PCA3: variants seen among roughly 807,000 people sequenced by gnomAD.
PCA3 encodes the protein prostate cancer associated 3.
intron 2 of PCA3, among the ~76,000 whole-genome samples, chr9:76,774,817 G>C (rs1204648967): frequency 6.6e-6 from 1 of 152,150 alleles, no homozygotes. Context: ...GGAGGAAACA[G>C]GGGAGCTTTA....
intron 2 of PCA3, among the ~76,000 whole-genome samples, chr9:76,775,147 A>G (rs1047162247): frequency 6.6e-6 from 1 of 152,170 alleles, no homozygotes; most frequent in African/African-American, 2.4e-5. Flanking sequence ...GGTCGGGGGG[A>G]AAGAAAGGAC....
chr9:76,786,147 G>A (rs1341333823), intron 2 of PCA3: 6 of 152,154 alleles, frequency 3.9e-5, no homozygotes, highest in Non-Finnish European at 8.8e-5. Flanking sequence ...TCATCTTTTA[G>A]GAATCATTTA....
intron 2 of PCA3, among the ~76,000 whole-genome samples, chr9:76,767,230 T>C (rs1420438040): frequency 6.6e-6 from 1 of 152,144 alleles, no homozygotes; most frequent in Non-Finnish European, 1.5e-5. Context: ...GGTGGGCAGA[T>C]CACTTGAGGT....
intron 2 of PCA3, among the ~76,000 whole-genome samples, chr9:76,781,568 T>C (rs1047718310): frequency 2.6e-5 from 4 of 152,240 alleles, no homozygotes; most frequent in East Asian, 1.9e-4. Context: ...CCCTATCTAA[T>C]GTAAAATAGG....
intron 2 of PCA3, among the ~76,000 whole-genome samples, chr9:76,765,070 G>A (rs1022364593): frequency 1.3e-5 from 2 of 152,188 alleles, no homozygotes; most frequent in African/African-American, 4.8e-5. Flanking sequence ...AGGCAAGTTA[G>A]AGATATACGT....
intron 2 of PCA3, chr9:76,786,281 A>G (rs901393684): frequency 2.0e-5 from 3 of 152,182 alleles, no homozygotes; most frequent in African/African-American, 7.2e-5. Flanking sequence ...CTCATAGGAG[A>G]GAATATAAGA....
chr9:76,766,882 C>A (rs139163019), intron 2 of PCA3, among the ~76,000 whole-genome samples: 74 of 152,304 alleles, frequency 4.9e-4, no homozygotes, highest in Non-Finnish European at 8.8e-4. Context: ...TCAACTCATA[C>A]ACAGGCATAC....
intron 2 of PCA3, among the ~76,000 whole-genome samples, chr9:76,769,868 C>CATT (rs2052898942): frequency 6.6e-6 from 1 of 152,172 alleles, no homozygotes; most frequent in Non-Finnish European, 1.5e-5. Context: ...TTACCCTGAA[C>CATT]ATTCTGTCAT....
At chr9:76,774,521 C>T (rs544244042) in intron 2 of PCA3, among the ~76,000 whole-genome samples, 44 of 144,870 alleles carry the variant, frequency 3.0e-4, no homozygotes, top group Non-Finnish European at 4.8e-4. Flanking sequence ...TGCAGTGGCA[C>T]GATCTCGGCT....
rs533381787 is a variant in PCA3 at position 76,777,021 on chromosome 9, A to T, written n.853-31562A>T. Among the ~76,000 whole-genome samples, 8 of 151,548 alleles carry T rather than the reference A, an allele frequency of 5.3e-5. No homozygotes were observed. In the East Asian group the frequency reaches 1.6e-3, roughly 29 times the overall value. ...ACTGTTCCTCTTGGGTTGGGTTCCC[A>T]CATCTGCCACTGCACCAATGCCATC... On this transcript the variant is annotated intron_variant and non_coding_transcript_variant, in intron 2 of 5. Transcript: ENST00000644657.
chr9:76,786,561 C>A (rs1455833521), intron 2 of PCA3: 3 of 151,954 alleles, frequency 2.0e-5, no homozygotes, highest in Non-Finnish European at 2.9e-5. Flanking sequence ...GCTTCCACGA[C>A]TTTTATCTTT....
At chr9:76,784,234 G>C (rs1249140454) in intron 2 of PCA3, 3 of 152,130 alleles carry the variant, frequency 2.0e-5, no homozygotes, top group African/African-American at 7.2e-5. Flanking sequence ...TTAAAGGATG[G>C]GCAGGAAAAC....
At chr9:76,781,222 C>T (rs886918560) in intron 2 of PCA3, among the ~76,000 whole-genome samples, 4 of 152,120 alleles carry the variant, frequency 2.6e-5, no homozygotes, top group Non-Finnish European at 5.9e-5. Flanking sequence ...TAACTCTTTG[C>T]CACATCCCTA....
At chr9:76,784,022 G>T (rs1475972228) in intron 2 of PCA3, 1 of 152,062 alleles carries the variant, frequency 6.6e-6, no homozygotes, top group Non-Finnish European at 1.5e-5. Flanking sequence ...GCCTCGTATT[G>T]TCTGACTGGC....
At chr9:76,776,545 T>C (rs1280064745) in intron 2 of PCA3, among the ~76,000 whole-genome samples, 1 of 109,316 alleles carries the variant, frequency 9.1e-6, no homozygotes, top group Non-Finnish European at 1.8e-5. Flanking sequence ...GAGATGAGTC[T>C]CGCTCTGTTG....
chr9:76,775,770 T>TC (rs1173833183), intron 2 of PCA3, among the ~76,000 whole-genome samples: 3 of 152,234 alleles, frequency 2.0e-5, no homozygotes, highest in African/African-American at 7.2e-5. Flanking sequence ...GCCTTACCTC[T>TC]CCCAGAAAAA....
chr9:76,778,872 C>A (rs1446839927), intron 2 of PCA3: 1 of 152,134 alleles, frequency 6.6e-6, no homozygotes, highest in East Asian at 1.9e-4. Flanking sequence ...TGTCATGGCC[C>A]AATTTATCCT....
chr9:76,776,000 T>C (rs917602453), intron 2 of PCA3, among the ~76,000 whole-genome samples: 5 of 152,194 alleles, frequency 3.3e-5, no homozygotes, highest in African/African-American at 4.8e-5. Flanking sequence ...TTGGGAGGGA[T>C]AGGAATAAGA....
At chr9:76,768,816 ACT>A (rs1365157065) in intron 2 of PCA3, among the ~76,000 whole-genome samples, 4 of 151,944 alleles carry the variant, frequency 2.6e-5, no homozygotes, top group Admixed American at 2.6e-4. Flanking sequence ...ATGGTATGAG[ACT>A]CTGTATGGAT....
Sources: gnomAD v4.1 joint callset for allele counts (sites outside exome capture counted in the v4.1 genomes callset) on GRCh38, gnomAD v4.1.1 for gene constraint, MANE v1.5 for transcripts, NCBI Gene and HGNC (gene_info 2026-07-23, HGNC 2026-07-21) for gene names.